The following TENT4B variants were observed in gnomAD, a reference collection of about 807,000 sequenced individuals.
TENT4B encodes PAP associated domain containing 5.
In TENT4B, 10 loss-of-function variants were observed where a neutral mutation model predicts 75.0. The observed-to-expected ratio is 0.13, with a 90% CI of 0.08 to 0.23. The LOEUF (loss-of-function observed/expected upper bound fraction) is 0.23. Among genes scored for constraint, TENT4B ranks in the 10% least tolerant of loss-of-function variants. The pLI is 1.00. For synonymous variants in TENT4B, 350 were observed against 357.7 expected (o/e 0.98, Z 0.24); for missense variants, 579 against 893.8 (o/e 0.65, Z 4.49).
intron 1 of TENT4B, among the ~76,000 whole-genome samples, chr16:50,175,418 T>C (rs1252850495): frequency 1.3e-5 from 2 of 152,176 alleles, no homozygotes; most frequent in African/African-American, 4.8e-5. Flanking sequence ...TTTATAGTTT[T>C]TGTTTTACAT....
intron 1 of TENT4B, among the ~76,000 whole-genome samples, chr16:50,187,531 C>T (rs928719200): frequency 1.1e-4 from 17 of 152,228 alleles, no homozygotes; most frequent in South Asian, 4.1e-4. Flanking sequence ...TGCAGTGAGC[C>T]GAGATTGTGC....
chr16:50,155,331 C>T (rs2037877655), intron 1 of TENT4B, among the ~76,000 whole-genome samples: 2 of 128,996 alleles, frequency 1.6e-5, no homozygotes, highest in South Asian at 5.3e-4. Flanking sequence ...TATGGAGAAC[C>T]GGCTTTCAAA....
At chr16:50,159,118 C>T (rs1018418399) in intron 1 of TENT4B, among the ~76,000 whole-genome samples, 4 of 152,122 alleles carry the variant, frequency 2.6e-5, no homozygotes, top group African/African-American at 9.7e-5. Flanking sequence ...TCCTCTAGTG[C>T]CCATTGTTCA....
chr16:50,220,805 A>G (rs2031792304), intron 5 of TENT4B, among the ~76,000 whole-genome samples: 1 of 152,162 alleles, frequency 6.6e-6, no homozygotes, highest in Non-Finnish European at 1.5e-5. Context: ...CTGGGATTAC[A>G]GATATGAGCC....
At chr16:50,191,086 T>C (rs1453022223) in intron 1 of TENT4B, among the ~76,000 whole-genome samples, 1 of 150,760 alleles carries the variant, frequency 6.6e-6, no homozygotes, top group Non-Finnish European at 1.5e-5. Context: ...TGTATGTATA[T>C]GTCACAATTT....
At chr16:50,207,510 G>A (rs1457476554) in intron 1 of TENT4B, among the ~76,000 whole-genome samples, 4 of 152,136 alleles carry the variant, frequency 2.6e-5, no homozygotes, top group Admixed American at 1.3e-4. Context: ...TAAAAACATT[G>A]ATATCCTAGA....
intron 1 of TENT4B, among the ~76,000 whole-genome samples, chr16:50,172,770 G>A (rs2038231157): frequency 6.6e-6 from 1 of 152,040 alleles, no homozygotes; most frequent in African/African-American, 2.4e-5. Flanking sequence ...ATCATATTGA[G>A]TAGTTTCACT....
chr16:50,228,957 A>G (rs2032176408), intron 11 of TENT4B, among the ~76,000 whole-genome samples, 195 bp from the exon 12 acceptor site: 1 of 152,206 alleles, frequency 6.6e-6, no homozygotes, highest in Non-Finnish European at 1.5e-5. Context: ...TTCCATTAAA[A>G]TAAAGTAAGG....
intron 1 of TENT4B, 93 bp downstream of exon 1, chr16:50,154,352 G>A (rs1462397554): frequency 5.9e-6 from 8 of 1,350,556 alleles, no homozygotes; most frequent in Non-Finnish European, 9.5e-7. Flanking sequence ...GTCTAGGAGC[G>A]GCCACCCCCA....
chr16:50,225,359 A>G, intron 10 of TENT4B, 74 bp downstream of exon 10: 1 of 1,311,368 alleles, frequency 7.6e-7, no homozygotes, highest in Non-Finnish European at 1.0e-6. Flanking sequence ...CACTGTCTCG[A>G]AGGCTAAGGC....
chr16:50,173,590 T>A (rs2038246447), intron 1 of TENT4B, among the ~76,000 whole-genome samples: 1 of 152,218 alleles, frequency 6.6e-6, no homozygotes, highest in South Asian at 2.1e-4. Flanking sequence ...GTGTTTTGGC[T>A]TTTCACCATT....
intron 1 of TENT4B, among the ~76,000 whole-genome samples, chr16:50,161,096 T>C (rs2037995541): frequency 6.6e-6 from 1 of 152,198 alleles, no homozygotes; most frequent in Non-Finnish European, 1.5e-5. Flanking sequence ...CCCAGAATAT[T>C]TGGTAGGGAC....
chr16:50,179,612 C>T (rs890834721), intron 1 of TENT4B, among the ~76,000 whole-genome samples: 6 of 152,010 alleles, frequency 3.9e-5, no homozygotes, highest in South Asian at 2.1e-4. Context: ...TTCATTTGAC[C>T]GATTTGTTAC....
At chr16:50,195,002 GC>G (rs1366229735) in intron 1 of TENT4B, among the ~76,000 whole-genome samples, 1 of 152,060 alleles carries the variant, frequency 6.6e-6, no homozygotes, top group African/African-American at 2.4e-5. Flanking sequence ...GCCTGCCTCG[GC>G]CTCCCAAAGT....
intron 1 of TENT4B, among the ~76,000 whole-genome samples, chr16:50,159,532 G>C (rs1034811302): frequency 6.6e-6 from 1 of 151,942 alleles, no homozygotes; most frequent in East Asian, 1.9e-4. Context: ...GAGCCACCGC[G>C]CCCGGCCTCT....
At chr16:50,218,125 T>TATA (rs2031659112) in intron 5 of TENT4B, among the ~76,000 whole-genome samples, 1 of 152,018 alleles carries the variant, frequency 6.6e-6, no homozygotes, top group African/African-American at 2.4e-5. Context: ...GTGATTAACT[T>TATA]ATAATGTGAC....
chr16:50,159,485 C>T (rs2037964098), intron 1 of TENT4B, among the ~76,000 whole-genome samples: 1 of 152,126 alleles, frequency 6.6e-6, no homozygotes, highest in African/African-American at 2.4e-5. Flanking sequence ...GGTGATCTAC[C>T]TGCCTCGGCC....
chr16:50,176,491 A>G (rs1186361998), intron 1 of TENT4B, among the ~76,000 whole-genome samples: 1 of 126,620 alleles, frequency 7.9e-6, no homozygotes, highest in Non-Finnish European at 1.6e-5. Flanking sequence ...TATACCAATA[A>G]TTCTTTTTTT....
intron 1 of TENT4B, among the ~76,000 whole-genome samples, chr16:50,208,433 G>A (rs1048528144): frequency 2.6e-5 from 4 of 152,050 alleles, no homozygotes; most frequent in African/African-American, 9.7e-5. Flanking sequence ...TTGGACCTTT[G>A]TTTGCCTCAT....
Sources: allele counts gnomAD v4.1 joint callset (sites outside exome capture counted in the v4.1 genomes callset), GRCh38; gene constraint gnomAD v4.1.1; transcripts MANE v1.5; gene names NCBI Gene and HGNC (gene_info 2026-07-23, HGNC 2026-07-21).